NME7: variants seen among roughly 807,000 people sequenced by gnomAD.
NME7 encodes the protein NME/NM23 family member 7, also known as nucleoside diphosphate kinase 7.
NME7 carries 41 observed loss-of-function variants against 49.1 expected under a neutral mutation model. That is an observed-to-expected ratio of 0.83 (90% CI 0.65 to 1.08). The LOEUF is 1.08. Ranked by LOEUF, NME7 falls within the 50% of genes least tolerant of loss-of-function variation. The probability of loss-of-function intolerance (pLI) is 0.00; values close to 1 mark genes in which losing one functional copy is unlikely to be tolerated. For synonymous variants in NME7, 139 were observed against 150.6 expected (o/e 0.92, Z 0.56); for missense variants, 423 against 463.4 (o/e 0.91, Z 0.80).
intron 1 of NME7, among the ~76,000 whole-genome samples, chr1:169,329,184 A>AC (rs1652171066): frequency 6.6e-6 from 1 of 151,626 alleles, no homozygotes; most frequent in African/African-American, 2.4e-5. Context: ...AACAACAACA[A>AC]AAAAAAAATC....
Position 169,258,646 on chromosome 1 carries a change from T to C in NME7, c.755-20959A>G, listed in dbSNP as rs1216024209. Among the ~76,000 whole-genome samples, 3 of 131,188 alleles carry C rather than the reference T, an allele frequency of 2.3e-5. 1 individual carries two copies. The highest frequency in any genetic ancestry group is 5.3e-5 in the Non-Finnish European group (3 of 56,146). The allele number at this position is 131,188 out of a possible 152,430, so 86.1% of individuals were successfully genotyped here. On this transcript the variant is annotated intron_variant, in intron 7 of 11. Coordinates refer to ENST00000367811, the MANE Select transcript of NME7 (RefSeq NM_013330.5). Reference sequence around the variant, plus strand: ...CAAGGCTTATATTGCCATTCATAGATAGACTTAAAAATAGACTAATACCAC... The same window carrying C: ...CAAGGCTTATATTGCCATTCATAGACAGACTTAAAAATAGACTAATACCAC...
rs924279547 is a variant in NME7 at position 169,302,776 on chromosome 1, TAAAA to T, written c.440+365_440+368del. Among the ~76,000 whole-genome samples, 78 of 151,624 alleles carry T rather than the reference TAAAA, an allele frequency of 5.1e-4. 1 individual carries two copies. Among genetic ancestry groups the T allele is most frequent in the Admixed American group, 3.0e-3 (46 of 15,208 alleles). ...CCTGAATCTAAAGTAAAAGTTGACA[TAAAA>T]AATAAAAATTAAAAAAATTAAAAGC... On this transcript the variant is annotated intron_variant, in intron 5 of 11. Coordinates refer to ENST00000367811, the MANE Select transcript of NME7 (RefSeq NM_013330.5).
chr1:169,314,169 TAAAAG>T (rs2101925382), intron 3 of NME7, among the ~76,000 whole-genome samples: 1 of 151,082 alleles, frequency 6.6e-6, no homozygotes, highest in African/African-American at 2.4e-5. Flanking sequence ...ATGTTTGAGA[TAAAAG>T]AAAGGATAAA....
rs548420428 is a variant in NME7 at position 169,196,453 on chromosome 1, A to G, written c.991-26899T>C. On this transcript the variant is annotated intron_variant, in intron 10 of 11. Transcript: ENST00000367811. Reference sequence around the variant, plus strand: ...TCTATTAGAACAAAAACTTTGTGAGAAAAGGGATTTTTTTGTGCCATTACT... The same window carrying G: ...TCTATTAGAACAAAAACTTTGTGAGGAAAGGGATTTTTTTGTGCCATTACT... Among the ~76,000 whole-genome samples, 107 of 152,312 alleles carry G rather than the reference A, an allele frequency of 7.0e-4. 2 individuals carry two copies. In the South Asian group the frequency reaches 0.01, roughly 14 times the overall value.
In NME7 at chr1:169,276,618, C is replaced by T. The variant is rs372402262; in HGVS notation, c.754+10685G>A. On this transcript the variant is annotated intron_variant, in intron 7 of 11. Transcript: ENST00000367811. ...TCTTGCTAGCGGTCTATCAATTTTG[C>T]TGATCCTTTCAAAAAACCAGCTCCT... Among the ~76,000 whole-genome samples, 31 of 131,538 alleles carry T rather than the reference C, an allele frequency of 2.4e-4. 5 individuals are homozygous for T. Among genetic ancestry groups the T allele is most frequent in the African/African-American group, 6.9e-4 (27 of 39,074 alleles). 86.3% of individuals were successfully genotyped at this position (131,538 alleles called of 152,430 possible).
At chr1:169,323,022 C>A in intron 3 of NME7, 95 bp downstream of exon 3, 1 of 961,676 alleles carries the variant, frequency 1.0e-6, no homozygotes. Context: ...AGGTCCTATC[C>A]ATCCTCATAT....
rs575422702 is a variant in NME7 at position 169,234,438 on chromosome 1, G to A, written c.888+693C>T. ...TGTACATGTTGAAGCAGAAAATACA[G>A]GTGTAAATAATCAACACGGAATCTA... On this transcript the variant is annotated intron_variant, in intron 9 of 11. Coordinates refer to ENST00000367811, the MANE Select transcript of NME7 (RefSeq NM_013330.5). Among the ~76,000 whole-genome samples the A allele has an allele frequency of 1.3e-4, 20 of 152,086 alleles. No homozygotes were observed. The East Asian group carries it at 3.9e-3, about 29-fold the overall frequency.
In NME7 at chr1:169,273,650, C is replaced by T. The variant is rs1649579609; in HGVS notation, c.754+13653G>A. On this transcript the variant is annotated intron_variant, in intron 7 of 11. Transcript: ENST00000367811. The stretch of plus-strand genomic sequence containing the variant: ...CAACAGTCCCCAGAGTGTGATGTTC[C>T]CCTTCCTGTGTCCATGTGTTCTCAT... 2.3e-5 allele frequency among the ~76,000 whole-genome samples: 3 copies of T among 128,144 alleles called. No individual in the cohort carries two copies. In the East Asian group the frequency reaches 6.1e-4, roughly 26 times the overall value. 84.1% of individuals were successfully genotyped at this position (128,144 alleles called of 152,430 possible). A position where few individuals can be genotyped will look rare whatever the true frequency, so the allele number is the denominator to read the frequency against.
Position 169,272,735 on chromosome 1 carries a change from G to A in NME7, c.754+14568C>T, listed in dbSNP as rs768809709. On this transcript the variant is annotated intron_variant, in intron 7 of 11. Transcript: ENST00000367811. ...GTTGATTCCATGTCTTTGCTATTGT[G>A]AACCGTGCTGCAATGAACATACACG... Among the ~76,000 whole-genome samples, 28 of 132,688 alleles carry A rather than the reference G, an allele frequency of 2.1e-4. 7 individuals are homozygous for A. Among genetic ancestry groups the A allele is most frequent in the Admixed American group, 7.5e-4 (10 of 13,420 alleles). The allele number at this position is 132,688 out of a possible 152,430, so 87.0% of individuals were successfully genotyped here.
intron 7 of NME7, among the ~76,000 whole-genome samples, chr1:169,264,570 C>T (rs1407725985): frequency 3.8e-5 from 5 of 133,292 alleles, no homozygotes; most frequent in African/African-American, 1.3e-4. Context: ...TTCAACTATC[C>T]TAAATCTATA....
intron 6 of NME7, among the ~76,000 whole-genome samples, chr1:169,292,254 G>T (rs950303176): frequency 3.9e-5 from 6 of 151,978 alleles, no homozygotes; most frequent in Non-Finnish European, 8.8e-5. Flanking sequence ...ATGAAATATT[G>T]GTGACCTTAG....
At chr1:169,152,039 ATAAT>A (rs758676058) in intron 11 of NME7, among the ~76,000 whole-genome samples, 1 of 152,228 alleles carries the variant, frequency 6.6e-6, no homozygotes, top group Admixed American at 6.5e-5. Context: ...TGGTAAAAAG[ATAAT>A]TAAGTAAGTT....
chr1:169,316,702 G>C (rs1244504885), intron 3 of NME7, among the ~76,000 whole-genome samples: 1 of 152,280 alleles, frequency 6.6e-6, no homozygotes, highest in South Asian at 2.1e-4. Context: ...TTTGAAGATG[G>C]AGAAAGGTGG....
At chr1:169,294,001 C>G (rs976227443) in intron 6 of NME7, among the ~76,000 whole-genome samples, 4 of 151,934 alleles carry the variant, frequency 2.6e-5, no homozygotes, top group Admixed American at 6.6e-5. Context: ...TCAAGTATAT[C>G]AAGATTACTA....
At chr1:169,158,042 A>G (rs1300017180) in intron 11 of NME7, among the ~76,000 whole-genome samples, 1 of 152,186 alleles carries the variant, frequency 6.6e-6, no homozygotes, top group Non-Finnish European at 1.5e-5. Flanking sequence ...TACAAGTTTT[A>G]AAAAAGTCTG....
intron 7 of NME7, among the ~76,000 whole-genome samples, chr1:169,250,920 GT>G (rs541456961): frequency 6.6e-6 from 1 of 152,034 alleles, no homozygotes; most frequent in Non-Finnish European, 1.5e-5. Flanking sequence ...AGAATGTTCT[GT>G]GTGCTGATTA....
intron 10 of NME7, among the ~76,000 whole-genome samples, chr1:169,182,186 A>C (rs1043258260): frequency 6.7e-6 from 1 of 149,178 alleles, no homozygotes; most frequent in Admixed American, 6.7e-5. Flanking sequence ...AAAAAAAAAA[A>C]AAACAACTCT....
chr1:169,246,218 A>G (rs1234093955), intron 7 of NME7, among the ~76,000 whole-genome samples: 2 of 152,086 alleles, frequency 1.3e-5, no homozygotes, highest in African/African-American at 2.4e-5. Context: ...AGGTGGGAGG[A>G]TCACTAGGGC....
chr1:169,227,865 C>A (rs879122887), intron 10 of NME7, among the ~76,000 whole-genome samples: 1 of 152,082 alleles, frequency 6.6e-6, no homozygotes, highest in Non-Finnish European at 1.5e-5. Context: ...TTTCTGGGTT[C>A]CTAGAGTACC....
Sources: gnomAD v4.1 joint callset for allele counts (sites outside exome capture counted in the v4.1 genomes callset) on GRCh38, gnomAD v4.1.1 for gene constraint, MANE v1.5 for transcripts, NCBI Gene and HGNC (gene_info 2026-07-23, HGNC 2026-07-21) for gene names.